GPR19: variants seen among roughly 807,000 people sequenced by gnomAD.
GPR19 encodes G protein-coupled receptor 19.
A neutral mutation model predicts 28.5 loss-of-function variants in GPR19; 14 were observed. The observed-to-expected ratio is 0.49, with a 90% CI of 0.32 to 0.77. GPR19 has a LOEUF of 0.77. Ranked by LOEUF, GPR19 falls within the 30% of genes least tolerant of loss-of-function variation. GPR19 has a pLI of 0.03. For missense variants in GPR19, 409 were observed against 504.1 expected (o/e 0.81, Z 1.81); for synonymous variants, 173 against 184.1 (o/e 0.94, Z 0.49).
intron 3 of GPR19, among the ~76,000 whole-genome samples, chr12:12,681,945 A>G (rs147490882): frequency 6.6e-6 from 1 of 152,266 alleles, no homozygotes; most frequent in Non-Finnish European, 1.5e-5. Flanking sequence ...CCTAACCCAC[A>G]CTGATACTCA....
chr12:12,693,559 G>A (rs575540201), intron 2 of GPR19, among the ~76,000 whole-genome samples: 23 of 152,346 alleles, frequency 1.5e-4, no homozygotes, highest in South Asian at 1.2e-3. Context: ...CTAAGCCTGT[G>A]TATCCTGGCA....
chr12:12,705,929 A>C, the GPR19 span, among the ~76,000 whole-genome samples: 1 of 152,296 alleles, frequency 6.6e-6, no homozygotes, highest in African/African-American at 2.4e-5. Context: ...AGAGTAGAGA[A>C]AGGCAGTCAA....
chr12:12,678,341 T>G (rs1945967072), intron 3 of GPR19, among the ~76,000 whole-genome samples: 1 of 152,194 alleles, frequency 6.6e-6, no homozygotes, highest in Non-Finnish European at 1.5e-5. Flanking sequence ...AAGCAGTTAT[T>G]TGCAACATGC....
intron 2 of GPR19, among the ~76,000 whole-genome samples, chr12:12,685,657 CCTA>C (rs1451063718): frequency 6.6e-6 from 1 of 152,106 alleles, no homozygotes. Context: ...TGCTGTCGGT[CCTA>C]AATCTTGAAA....
rs920442476 is a variant in GPR19 at position 12,684,405 on chromosome 12, T to C, written c.-77A>G. On this transcript the variant is annotated 5_prime_UTR_variant, in exon 3 of 4. Transcript: ENST00000651487. The stretch of plus-strand genomic sequence containing the variant: ...CTCTTTAGATCTTCTTGGTCAGGAA[T>C]AGCCCTTGCATAGGAGTTTGGAGAA... The C allele has an allele frequency of 1.3e-5, 2 of 152,244 alleles. No individual in the cohort carries two copies. Among genetic ancestry groups the C allele is most frequent in the Non-Finnish European group, 2.9e-5 (2 of 68,050 alleles). 9.4% of individuals were successfully genotyped at this position (152,244 alleles called of 1,614,324 possible).
At chr12:12,694,224 A>C (rs1425419867) in intron 2 of GPR19, among the ~76,000 whole-genome samples, 1 of 70,256 alleles carries the variant, frequency 1.4e-5, no homozygotes, top group Non-Finnish European at 2.5e-5. Context: ...TTTGAGACGG[A>C]GTCTCGCTCT....
the GPR19 span, among the ~76,000 whole-genome samples, chr12:12,702,415 A>G: frequency 5.3e-5 from 8 of 152,188 alleles, no homozygotes; most frequent in Non-Finnish European, 7.4e-5. Flanking sequence ...AATACTCTGT[A>G]AAATAGTGTT....
At chr12:12,700,145 TTTTCTCTCTCTTTC>T (rs1209168449), upstream of GPR19, among the ~76,000 whole-genome samples, 5 of 57,820 alleles carry the variant, frequency 8.6e-5, no homozygotes, top group Non-Finnish European at 2.2e-4. Context: ...CTCTCTTCTT[TTTTCTCTCTCTTTC>T]TTTCTCTCTC....
chr12:12,695,045 C>T (rs987516493), intron 2 of GPR19, among the ~76,000 whole-genome samples: 2 of 152,228 alleles, frequency 1.3e-5, no homozygotes, highest in African/African-American at 4.8e-5. Flanking sequence ...TTCTCCATCA[C>T]TGCTAGCTTC....
intron 3 of GPR19, 62 bp from the exon 4 acceptor site, chr12:12,662,532 AT>A: frequency 8.1e-7 from 1 of 1,240,254 alleles, no homozygotes. Context: ...ATTGGTTATG[AT>A]TACTCAGGCT....
chr12:12,713,935 T>C, the GPR19 span, among the ~76,000 whole-genome samples: 1 of 152,200 alleles, frequency 6.6e-6, no homozygotes, highest in Non-Finnish European at 1.5e-5. Flanking sequence ...TCCATAGCAT[T>C]TTTCACCTCC....
At position 12,662,206 on chromosome 12, in the gene GPR19, G is replaced by T; in HGVS notation, c.243C>A (p.Phe81Leu). The change falls in exon 4 of 4, where the codon TTC (phenylalanine) becomes TTA (leucine). Residue 81 changes from phenylalanine to leucine, a missense_variant. Coordinates refer to ENST00000651487, the MANE Select transcript of GPR19 (RefSeq NM_006143.3). ...TGACCAAACAAACCAGGGAATTGCC[G>T]AAGATAGAAAACAACCACAGAATCC... ...FFGILWLFSI[F>L]GNSLVCLVIH... The T allele has an allele frequency of 6.2e-7, 1 of 1,614,188 alleles. No homozygotes were observed. Among genetic ancestry groups the T allele is most frequent in the Admixed American group, 1.7e-5 (1 of 60,024 alleles).
At chr12:12,692,576 C>T (rs1220286112) in intron 2 of GPR19, among the ~76,000 whole-genome samples, 6 of 152,136 alleles carry the variant, frequency 3.9e-5, no homozygotes, top group South Asian at 2.1e-4. Context: ...GAAAGAAAGA[C>T]GGACTGGATA....
chr12:12,682,985 A>G (rs1452307709), intron 3 of GPR19, among the ~76,000 whole-genome samples: 1 of 152,222 alleles, frequency 6.6e-6, no homozygotes, highest in African/African-American at 2.4e-5. Flanking sequence ...TATAATTTAT[A>G]TACATAGTTT....
chr12:12,678,678 G>A (rs1592261376), intron 3 of GPR19, among the ~76,000 whole-genome samples: 1 of 152,162 alleles, frequency 6.6e-6, no homozygotes, highest in Admixed American at 6.5e-5. Context: ...TTTGGATATA[G>A]AACAAAATAA....
At chr12:12,697,153 T>TAAAAAAAAAAAAAAAAAAAAAAAAAA (rs386375639), upstream of GPR19, among the ~76,000 whole-genome samples, 5 of 48,848 alleles carry the variant, frequency 1.0e-4, 2 homozygotes, top group Non-Finnish European at 1.8e-4. Context: ...TGAAGCGAAG[T>TAAAAAAAAAAAAAAAAAAAAAAAAAA]AAAAAAAAAA....
rs955707507 is a variant in GPR19, at chr12:12,661,700, A to G, written c.749T>C (p.Ile250Thr). The change falls in exon 4 of 4, where the codon ATT becomes ACT. Residue 250 changes from isoleucine to threonine, a missense_variant. By Grantham distance (89) the Ile-to-Thr change is moderately conservative (BLOSUM62 -1). Transcript: ENST00000651487. The surrounding 1 kb of genome is among the most constrained non-coding windows in gnomAD (Gnocchi z 4.2). ...TCGGCCATCTGTGCCTATTCTCCAA[A>G]TATATTTTATGACCTTTTGGTAAAA... is the stretch of plus-strand genomic sequence containing the variant. ...ILFYQKVIKY[I>T]WRIGTDGRTV... 1.1e-5 allele frequency: 17 copies of G among 1,614,200 alleles called. No homozygotes were observed. The highest frequency in any genetic ancestry group is 1.4e-5 in the Non-Finnish European group (17 of 1,180,022).
rs116774601 is a variant in GPR19, at chr12:12,691,276, G to T, written c.-180+4183C>A. ...TGATAGATGAAATGACTGGTCTCTT[G>T]GTGCATCTGTTTCTAAAATTCCGTT... is the stretch of plus-strand genomic sequence containing the variant. On this transcript the variant is annotated intron_variant, in intron 2 of 3. Transcript: ENST00000651487. 5.0e-3 allele frequency among the ~76,000 whole-genome samples: 764 copies of T among 152,240 alleles called. 6 individuals are homozygous for T. Among genetic ancestry groups the T allele is most frequent in the African/African-American group, 0.018 (736 of 41,544 alleles).
the GPR19 span, chr12:12,716,854 C>G: frequency 1.0e-6 from 1 of 984,448 alleles, no homozygotes; most frequent in South Asian, 4.7e-5. Context: ...GCGCCCAGCC[C>G]CCCCAGCAAA....
Sources: gnomAD v4.1 joint callset for allele counts (sites outside exome capture counted in the v4.1 genomes callset) on GRCh38, gnomAD v4.1.1 for gene constraint, Gnocchi (gnomAD v3.1) non-coding constraint, MANE v1.5 for transcripts, NCBI Gene and HGNC (gene_info 2026-07-23, HGNC 2026-07-21) for gene names.